Variants in DACH1 observed in about 807,000 individuals in gnomAD.
DACH1 encodes the protein dachshund homolog 1.
Under a neutral mutation model 54.2 loss-of-function variants are expected in DACH1, and 12 were observed. The observed-to-expected ratio is 0.22, with a 90% CI of 0.14 to 0.36. The LOEUF (loss-of-function observed/expected upper bound fraction) is 0.36. Ranked by LOEUF, DACH1 falls within the 10% of genes least tolerant of loss-of-function variation. DACH1 has a pLI of 1.00. For missense variants in DACH1, 805 were observed against 929.8 expected (o/e 0.87, Z 1.75); for synonymous variants, 386 against 366.2 (o/e 1.05, Z -0.62).
At chr13:71,792,021 T>G (rs1161414678) in intron 1 of DACH1, among the ~76,000 whole-genome samples, 1 of 152,158 alleles carries the variant, frequency 6.6e-6, no homozygotes, top group Non-Finnish European at 1.5e-5. Context: ...TACATGATGA[T>G]GTATGTCTTT....
Position 71,866,051 on chromosome 13 carries a change from G to T in DACH1, c.719C>A (p.Pro240Gln). Residue 240 changes from proline (P) to glutamine (Q), a missense_variant, in exon 1 of 11, where the codon CCG (proline) becomes CAG (glutamine). By Grantham distance (76) the Pro-to-Gln change is moderately conservative. Around this residue, in one of 3 missense-constraint regions of DACH1, gnomAD observed 28 missense variants for 75.7 expected, o/e 0.37. Coordinates refer to ENST00000613252, the MANE Select transcript of DACH1 (RefSeq NM_080759.6). ...AACTTGTTCCACATTGCACACCACC[G>T]GCGTGATCTCCAGCCGCTTCAGCTT... ...YTKLKRLEIT[P>Q]VVCNVEQVRI... 6.2e-7 allele frequency: 1 copy of T among 1,613,794 alleles called. No individual in the cohort carries two copies. Among genetic ancestry groups the T allele is most frequent in the Non-Finnish European group, 8.5e-7 (1 of 1,179,972 alleles).
At chr13:71,614,713 G>A (rs1220690505) in intron 3 of DACH1, among the ~76,000 whole-genome samples, 1 of 151,902 alleles carries the variant, frequency 6.6e-6, no homozygotes, top group African/African-American at 2.4e-5. Context: ...CATTAGCCAG[G>A]TGTGATGGTG....
chr13:71,761,002 T>C (rs921788911), intron 1 of DACH1, among the ~76,000 whole-genome samples: 3 of 152,134 alleles, frequency 2.0e-5, no homozygotes, highest in African/African-American at 7.2e-5. Context: ...AAATCCTTCA[T>C]CTTGTATGTC....
At position 71,596,110 on chromosome 13, in the gene DACH1, T is replaced by TA. The variant is rs376870074; in HGVS notation, c.1127-23099_1127-23098insT. Among the ~76,000 whole-genome samples the TA allele has an allele frequency of 4.2e-3, 632 of 152,192 alleles. 5 individuals carry two copies. Among genetic ancestry groups the TA allele is most frequent in the Non-Finnish European group, 7.0e-3 (478 of 68,020 alleles). Reference sequence around the variant, plus strand: ...CTAACATTCACATATATGTATTTTTTTTTTATTTCTGGAAGAATAAAATGG... The same window carrying TA: ...CTAACATTCACATATATGTATTTTTTATTTTATTTCTGGAAGAATAAAATGG... On this transcript the variant is annotated intron_variant, in intron 3 of 10. Coordinates refer to ENST00000613252, the MANE Select transcript of DACH1 (RefSeq NM_080759.6).
At chr13:71,801,098 A>G (rs1237542089) in intron 1 of DACH1, among the ~76,000 whole-genome samples, 1 of 152,152 alleles carries the variant, frequency 6.6e-6, no homozygotes, top group Non-Finnish European at 1.5e-5. Context: ...ACTTTGGAGA[A>G]TCCACTCTTT....
chr13:71,643,880 T>C (rs1480605160), intron 2 of DACH1, among the ~76,000 whole-genome samples: 3 of 152,094 alleles, frequency 2.0e-5, no homozygotes, highest in Non-Finnish European at 4.4e-5. Context: ...AGAGAGATTG[T>C]CTTCGATCTC....
At chr13:71,825,225 A>G (rs1159918424) in intron 1 of DACH1, among the ~76,000 whole-genome samples, 1 of 152,140 alleles carries the variant, frequency 6.6e-6, no homozygotes, top group African/African-American at 2.4e-5. Flanking sequence ...AATTTTATAA[A>G]AAATAAACTG....
At chr13:71,451,361 G>A (rs985243270) in intron 10 of DACH1, among the ~76,000 whole-genome samples, 1 of 152,092 alleles carries the variant, frequency 6.6e-6, no homozygotes, top group Non-Finnish European at 1.5e-5. Context: ...ATCTCCTTAA[G>A]AGCAGATAAA....
chr13:71,716,758 A>G (rs528966540), intron 1 of DACH1, among the ~76,000 whole-genome samples: 73 of 152,326 alleles, frequency 4.8e-4, no homozygotes, highest in Non-Finnish European at 7.8e-4. Flanking sequence ...TCTGGTAATA[A>G]GGATAAAAGT....
intron 1 of DACH1, among the ~76,000 whole-genome samples, chr13:71,864,176 C>CTCAT (rs1295690099): frequency 9.5e-6 from 1 of 105,314 alleles, no homozygotes; most frequent in Non-Finnish European, 1.8e-5. Context: ...CGCGCGCGCG[C>CTCAT]ACATACACAC....
chr13:71,703,012 C>A (rs980909961), intron 1 of DACH1, among the ~76,000 whole-genome samples: 2 of 152,176 alleles, frequency 1.3e-5, no homozygotes, highest in African/African-American at 4.8e-5. Context: ...GATTGTAAAG[C>A]AGTAGTTGGT....
At chr13:71,609,709 TA>T (rs1421554958) in intron 3 of DACH1, among the ~76,000 whole-genome samples, 1 of 152,052 alleles carries the variant, frequency 6.6e-6, no homozygotes, top group Non-Finnish European at 1.5e-5. Flanking sequence ...ATATTTTTAG[TA>T]GAGATGAGAT....
At chr13:71,779,933 A>G (rs1322027907) in intron 1 of DACH1, among the ~76,000 whole-genome samples, 1 of 152,000 alleles carries the variant, frequency 6.6e-6, no homozygotes, top group Admixed American at 6.6e-5. Context: ...TCTTTATTAA[A>G]TCTCTGGAAA....
At chr13:71,746,956 A>G (rs1297133595) in intron 1 of DACH1, among the ~76,000 whole-genome samples, 1 of 152,192 alleles carries the variant, frequency 6.6e-6, no homozygotes, top group African/African-American at 2.4e-5. Flanking sequence ...ACACATATGT[A>G]TATGTATTAA....
rs113379489 is a variant in DACH1 at position 71,762,507 on chromosome 13, C to T, written c.849-80597G>A. 3.0e-3 allele frequency among the ~76,000 whole-genome samples: 458 copies of T among 151,886 alleles called. 3 individuals carry two copies. Among genetic ancestry groups the T allele is most frequent in the African/African-American group, 0.01 (432 of 41,434 alleles). ...GGCGTGGTGGCTCACTTTGGGAGGC[C>T]GAGGCGAGCAGCACTTTGGGAGGCC... On this transcript the variant is annotated intron_variant, in intron 1 of 10. Coordinates refer to ENST00000613252, the MANE Select transcript of DACH1 (RefSeq NM_080759.6).
At chr13:71,533,398 T>C in intron 6 of DACH1, among the ~76,000 whole-genome samples, 1 of 151,962 alleles carries the variant, frequency 6.6e-6, no homozygotes, top group Non-Finnish European at 1.5e-5. Context: ...ATTTATATCT[T>C]TTAGGACAAA....
intron 1 of DACH1, among the ~76,000 whole-genome samples, chr13:71,736,489 T>A (rs1298140870): frequency 1.3e-5 from 2 of 152,000 alleles, no homozygotes. Flanking sequence ...GATTTTAAAA[T>A]ATATATATAA....
chr13:71,780,921 C>T (rs1282996971), intron 1 of DACH1, among the ~76,000 whole-genome samples: 4 of 151,936 alleles, frequency 2.6e-5, no homozygotes, highest in Non-Finnish European at 5.9e-5. Context: ...ACTACCTGAA[C>T]GTAGGAATTC....
At chr13:71,483,508 A>G (rs1052923304) in intron 7 of DACH1, among the ~76,000 whole-genome samples, 5 of 147,180 alleles carry the variant, frequency 3.4e-5, no homozygotes, top group African/African-American at 9.8e-5. Context: ...ATAAATGAAT[A>G]CATAATAAAA....
Sources: allele counts gnomAD v4.1 joint callset (sites outside exome capture counted in the v4.1 genomes callset), GRCh38; gene constraint gnomAD v4.1.1; regional missense constraint gnomAD v4.1.1; transcripts MANE v1.5; gene names NCBI Gene and HGNC (gene_info 2026-07-23, HGNC 2026-07-21).